JAK1: variants seen among roughly 807,000 people sequenced by gnomAD.
JAK1 encodes the protein tyrosine-protein kinase JAK1.
JAK1 carries 16 observed loss-of-function variants against 136.6 expected under a neutral mutation model. The observed-to-expected ratio is 0.12, with a 90% CI of 0.08 to 0.18. The LOEUF (loss-of-function observed/expected upper bound fraction) is 0.18, where lower values mean the gene tolerates loss of function less well. Among genes scored for constraint, JAK1 ranks in the 10% least tolerant of loss-of-function variants. The pLI is 1.00. For synonymous variants in JAK1, 492 were observed against 519.5 expected, an observed-to-expected ratio of 0.95 and a Z score of 0.72; for missense variants, 859 against 1,450.1, an observed-to-expected ratio of 0.59 and a Z score of 6.62.
chr1:64,952,948 T>G (rs183680955), intron 1 of JAK1, among the ~76,000 whole-genome samples: 1 of 152,232 alleles, frequency 6.6e-6, no homozygotes, highest in African/African-American at 2.4e-5. Flanking sequence ...AGCGGTTGAA[T>G]AACTTGCCCA....
intron 1 of JAK1, among the ~76,000 whole-genome samples, chr1:64,940,875 T>C (rs769778762): frequency 1.1e-4 from 16 of 152,088 alleles, no homozygotes; most frequent in Non-Finnish European, 1.8e-4. Flanking sequence ...GTAGTTAAAG[T>C]TTTGGCCAGG....
intron 1 of JAK1, among the ~76,000 whole-genome samples, chr1:65,051,559 A>G (rs1214101658): frequency 6.6e-6 from 1 of 152,198 alleles, no homozygotes; most frequent in Non-Finnish European, 1.5e-5. Context: ...AAGTCTTCCC[A>G]GCAAAGTGCC....
intron 2 of JAK1, among the ~76,000 whole-genome samples, chr1:65,023,402 T>G (rs1243586694): frequency 1.3e-5 from 2 of 152,188 alleles, no homozygotes; most frequent in Non-Finnish European, 2.9e-5. Context: ...GGCCAACAGA[T>G]TTCGATAATT....
At chr1:64,994,006 T>A (rs945428594) in intron 2 of JAK1, among the ~76,000 whole-genome samples, 1 of 152,154 alleles carries the variant, frequency 6.6e-6, no homozygotes, top group African/African-American at 2.4e-5. Context: ...AGTGGTGTAA[T>A]CACAGTTTAC....
At chr1:64,969,969 CTACAAAAAA>C (rs1406608581), upstream of JAK1, among the ~76,000 whole-genome samples, 2 of 151,628 alleles carry the variant, frequency 1.3e-5, no homozygotes, top group Non-Finnish European at 2.9e-5. Flanking sequence ...AACCCTGTAT[CTACAAAAAA>C]TACAAAAAAT....
Position 64,883,440 on chromosome 1 carries a change from A to G in JAK1, c.42T>C (p.Ala14=). The G allele has an allele frequency of 6.2e-7, 1 of 1,614,144 alleles. No individual in the cohort carries two copies. Among genetic ancestry groups the G allele is most frequent in the South Asian group, 1.1e-5 (1 of 91,086 alleles). ...TGGAGCTCCTCATTTTAGCACAGAA[A>G]GCCATGGCATTGCAGTCCTCTTTTA... ...LNIKEDCNAM[A]FCAKMRSSKK... The change falls in exon 3 of 25, where the codon GCT becomes GCC. Residue 14 remains alanine, a synonymous_variant. Coordinates refer to ENST00000342505, the MANE Select transcript of JAK1 (RefSeq NM_002227.4).
At chr1:64,836,899 T>TCTCCAGCA (rs1285320382) in intron 22 of JAK1, among the ~76,000 whole-genome samples, 2 of 152,036 alleles carry the variant, frequency 1.3e-5, no homozygotes, top group Non-Finnish European at 2.9e-5. Flanking sequence ...CTCCTTAAAC[T>TCTCCAGCA]CTCCAGCAGC....
rs750878027 is a variant in JAK1 at position 64,845,475 on chromosome 1, T to A, written c.2115+38A>T. 1.9e-6 allele frequency: 3 copies of A among 1,613,206 alleles called. No homozygotes were observed. In the African/African-American group the frequency reaches 4.0e-5, roughly 22 times the overall value. ...GCCACCCCTCCCAGGACACTCTGGTTTCTGGTGGGACCATTATGGACATCA... is the reference window on the plus strand; with the variant it reads ...GCCACCCCTCCCAGGACACTCTGGTATCTGGTGGGACCATTATGGACATCA... On this transcript the variant is annotated intron_variant, in intron 15 of 24. Coordinates refer to ENST00000342505, the MANE Select transcript of JAK1 (RefSeq NM_002227.4).
chr1:65,018,487 A>AGAGAAC (rs1394294153), intron 2 of JAK1, among the ~76,000 whole-genome samples: 2 of 96,040 alleles, frequency 2.1e-5, no homozygotes, highest in African/African-American at 1.0e-4. Flanking sequence ...AGAGAGAGAG[A>AGAGAAC]ACACACACAC....
At position 65,058,309 on chromosome 1, in the gene JAK1, G is replaced by A. The variant is rs56394547; in HGVS notation, c.-181+9295C>T. On this transcript the variant is annotated intron_variant, in intron 1 of 25. Coordinates refer to the JAK1 transcript ENST00000671954. ...AGCAGAATAACTCTCCCTATGCCCC[G>A]GGAGAAGTATGACAGAGGTGCAGGG... The A allele has an allele frequency of 1.3e-3, 640 of 478,264 alleles. 2 individuals are homozygous for A. The highest frequency in any genetic ancestry group is 0.012 in the African/African-American group (598 of 49,526). The allele number at this position is 478,264 out of a possible 1,614,324, so 29.6% of individuals were successfully genotyped here. A position where few individuals can be genotyped will look rare whatever the true frequency, so the allele number is the denominator to read the frequency against.
intron 11 of JAK1, among the ~76,000 whole-genome samples, chr1:64,851,502 C>A (rs964158606): frequency 6.6e-6 from 1 of 152,186 alleles, no homozygotes; most frequent in Non-Finnish European, 1.5e-5. Flanking sequence ...CATAACAGTG[C>A]CCTGTCTGAA....
At chr1:64,882,792 C>T (rs112263611) in intron 3 of JAK1, among the ~76,000 whole-genome samples, 1,732 of 152,290 alleles carry the variant, frequency 0.011, 34 homozygotes, top group African/African-American at 0.039. Flanking sequence ...CTCACTTCAA[C>T]TCAGCACCAC....
At chr1:64,880,670 A>G (rs574545598) in intron 3 of JAK1, among the ~76,000 whole-genome samples, 3 of 152,334 alleles carry the variant, frequency 2.0e-5, no homozygotes, top group South Asian at 4.1e-4. Context: ...AACAGACTCT[A>G]AATTTATTAT....
At chr1:64,891,036 T>C (rs1415557238) in intron 1 of JAK1, among the ~76,000 whole-genome samples, 3 of 152,170 alleles carry the variant, frequency 2.0e-5, no homozygotes, top group African/African-American at 7.2e-5. Context: ...AGTCAGTCAA[T>C]GCATGTAAAA....
chr1:65,053,321 G>C (rs1482219716), intron 1 of JAK1, among the ~76,000 whole-genome samples: 1 of 152,092 alleles, frequency 6.6e-6, no homozygotes, highest in East Asian at 1.9e-4. Context: ...ACTCCAACTG[G>C]GCGACAGAGC....
intron 4 of JAK1, among the ~76,000 whole-genome samples, chr1:64,875,311 G>A (rs112088136): frequency 6.6e-6 from 1 of 152,226 alleles, no homozygotes; most frequent in African/African-American, 2.4e-5. Context: ...AGCAAAGAAC[G>A]AAAGCCAGGC....
At chr1:64,967,287 G>A (rs1487286916), upstream of JAK1, among the ~76,000 whole-genome samples, 2 of 152,096 alleles carry the variant, frequency 1.3e-5, no homozygotes, top group Non-Finnish European at 2.9e-5. Context: ...TATTTCCTTA[G>A]GTATCTCTCC....
chr1:64,963,523 A>T (rs540082889), intron 1 of JAK1, among the ~76,000 whole-genome samples: 11 of 152,316 alleles, frequency 7.2e-5, no homozygotes, highest in African/African-American at 2.6e-4. Context: ...AACCATCCAC[A>T]GGCGGCTTTT....
chr1:64,981,553 T>A (rs1470694197), intron 2 of JAK1, among the ~76,000 whole-genome samples: 1 of 152,228 alleles, frequency 6.6e-6, no homozygotes, highest in Non-Finnish European at 1.5e-5. Flanking sequence ...AAATGCCACA[T>A]GGCAGGTGTT....
Sources: allele counts gnomAD v4.1 joint callset (sites outside exome capture counted in the v4.1 genomes callset), GRCh38; gene constraint gnomAD v4.1.1; transcripts MANE v1.5; gene names NCBI Gene and HGNC (gene_info 2026-07-23, HGNC 2026-07-21).